Variants in IGHMBP2 observed in about 807,000 individuals in gnomAD.
IGHMBP2 encodes the protein immunoglobulin mu DNA binding protein 2.
A neutral mutation model predicts 96.0 loss-of-function variants in IGHMBP2; 81 were observed. The ratio of observed to expected loss-of-function variants is 0.84; its 90% CI spans 0.71 to 1.01. The LOEUF is 1.01. Ranked by LOEUF, IGHMBP2 falls within the 50% of genes least tolerant of loss-of-function variation. The pLI is 0.00. For synonymous variants in IGHMBP2, 557 were observed against 548.9 expected, an observed-to-expected ratio of 1.01 and a Z score of -0.21; for missense variants, 1,227 against 1,306.3, an observed-to-expected ratio of 0.94 and a Z score of 0.94.
Position 68,911,597 on chromosome 11 carries a change from C to T in IGHMBP2, c.705C>T (p.Gly235=). 6.2e-7 allele frequency: 1 copy of T among 1,614,176 alleles called. No individual in the cohort carries two copies. Among genetic ancestry groups the T allele is most frequent in the Non-Finnish European group, 8.5e-7 (1 of 1,180,028 alleles). Residue 235 remains glycine (G), a synonymous_variant, in exon 5 of 15, where the codon GGC becomes GGT. Transcript: ENST00000255078. ...VEIILQAVKQ[G]LKVLCCAPSN... ...TCATTCTTCAAGCTGTGAAACAAGG[C>T]TTAAAGGTGGGCAGTGCATGCCACT...
At chr11:68,935,905 G>C (rs1288272318) in intron 12 of IGHMBP2, among the ~76,000 whole-genome samples, 1 of 152,216 alleles carries the variant, frequency 6.6e-6, no homozygotes, top group Non-Finnish European at 1.5e-5. Flanking sequence ...AGAAGCTATG[G>C]GGGAAAGAAG....
rs1039728777 is a variant in IGHMBP2, at chr11:68,940,068, T to G, written c.*337T>G. 11 of 330,348 alleles carry G rather than the reference T, an allele frequency of 3.3e-5. No homozygotes were observed. Among genetic ancestry groups the G allele is most frequent in the African/African-American group, 2.1e-4 (10 of 47,332 alleles). 20.5% of individuals were successfully genotyped at this position (330,348 alleles called of 1,614,324 possible). A position where few individuals can be genotyped will look rare whatever the true frequency, so the allele number is the denominator to read the frequency against. ...TGGAGAATACCCAGGGCCTCAAACT[T>G]GAAGTCACTCCTCCAATGTCTGGGA... On this transcript the variant is annotated 3_prime_UTR_variant, in exon 15 of 15. Coordinates refer to ENST00000255078, the MANE Select transcript of IGHMBP2 (RefSeq NM_002180.3).
intron 12 of IGHMBP2, among the ~76,000 whole-genome samples, chr11:68,935,711 G>A (rs946223142): frequency 2.6e-5 from 4 of 152,234 alleles, no homozygotes; most frequent in African/African-American, 9.6e-5. Context: ...GCCCCCTGCA[G>A]CCCAGAGCTG....
intron 2 of IGHMBP2, among the ~76,000 whole-genome samples, chr11:68,906,640 C>CTTTTTTTT (rs60710565): frequency 3.4e-5 from 4 of 117,586 alleles, no homozygotes; most frequent in African/African-American, 6.6e-5. Context: ...CATTTCTTTT[C>CTTTTTTTT]TTTTTTTTTT....
chr11:68,909,659 G>A (rs562921411), intron 4 of IGHMBP2, among the ~76,000 whole-genome samples: 15 of 143,786 alleles, frequency 1.0e-4, no homozygotes, highest in African/African-American at 3.4e-4. Flanking sequence ...ACGGAGACTT[G>A]CTCTGTCACC....
At chr11:68,926,494 C>G (rs1859076440) in intron 7 of IGHMBP2, 1 of 152,068 alleles carries the variant, frequency 6.6e-6, no homozygotes, top group Admixed American at 6.6e-5. Context: ...TGGTCTCTAT[C>G]TCTTGACCTC....
At chr11:68,919,410 C>T (rs1858796763) in intron 7 of IGHMBP2, among the ~76,000 whole-genome samples, 1 of 152,222 alleles carries the variant, frequency 6.6e-6, no homozygotes, top group African/African-American at 2.4e-5. Flanking sequence ...GCTGGGGCTC[C>T]CTGCATGTGC....
At chr11:68,924,037 C>T (rs1332284418) in intron 7 of IGHMBP2, among the ~76,000 whole-genome samples, 2 of 152,178 alleles carry the variant, frequency 1.3e-5, no homozygotes, top group African/African-American at 2.4e-5. Context: ...CCCCAGGGCT[C>T]ACCTCCTTTG....
At chr11:68,931,967 G>C (rs528517517) in intron 8 of IGHMBP2, among the ~76,000 whole-genome samples, 6 of 150,120 alleles carry the variant, frequency 4.0e-5, no homozygotes, top group African/African-American at 1.5e-4. Flanking sequence ...GAGAGAGTAG[G>C]ATGGTTTTGG....
intron 7 of IGHMBP2, among the ~76,000 whole-genome samples, chr11:68,918,378 A>C (rs1202076221): frequency 4.0e-5 from 6 of 151,810 alleles, no homozygotes; most frequent in Non-Finnish European, 8.8e-5. Flanking sequence ...GCAGTGGCTC[A>C]CACCTGTAAT....
At chr11:68,935,586 G>C (rs1440867537) in intron 12 of IGHMBP2, among the ~76,000 whole-genome samples, 164 bp downstream of exon 12, 1 of 152,220 alleles carries the variant, frequency 6.6e-6, no homozygotes, top group Non-Finnish European at 1.5e-5. Context: ...ACAGGCAAGA[G>C]AGTCTGCAGA....
rs1165483813 is a variant in IGHMBP2, at chr11:68,939,609, A to C, written c.2860A>C (p.Ser954Arg). The C allele has an allele frequency of 3.1e-6, 5 of 1,613,434 alleles. No individual in the cohort carries two copies. In the African/African-American group the frequency reaches 4.0e-5, roughly 13 times the overall value. The change falls in exon 15 of 15, where the codon AGC (serine) becomes CGC (arginine). Residue 954 changes from serine to arginine, a missense_variant. Transcript: ENST00000255078. ...CCGGGAAGGGGTCCTCTATGCCGGC[A>C]GCGGGACCAAGAACGGATCCCTGGA... ...ISREGVLYAGSGTKNGSLDPA... is the reference protein window; with the variant it reads ...ISREGVLYAGRGTKNGSLDPA...
In IGHMBP2 at chr11:68,917,841, G is replaced by A. The variant is rs750580259; in HGVS notation, c.1018G>A (p.Glu340Lys). The A allele has an allele frequency of 1.5e-5, 25 of 1,614,054 alleles. No homozygotes were observed. The Admixed American group carries it at 2.2e-4, about 14-fold the overall frequency. The change falls in exon 7 of 15, where the codon GAG (glutamate) becomes AAG (lysine). Residue 340 changes from glutamate (E) to lysine (K), a missense_variant. Glu to Lys is a moderately conservative substitution (Grantham distance 56). Coordinates refer to ENST00000255078, the MANE Select transcript of IGHMBP2 (RefSeq NM_002180.3). The stretch of plus-strand genomic sequence containing the variant: ...GGAGAGGGAAGAAGCAGCTATGCTC[G>A]AGAGCCTCACTTCGGCAAACGTGGT... ...LKEREEAAML[E>K]SLTSANVVLA... is the part of the protein sequence containing the mutation.
chr11:68,922,552 C>T (rs576112624), intron 7 of IGHMBP2, among the ~76,000 whole-genome samples: 21 of 152,098 alleles, frequency 1.4e-4, no homozygotes, highest in Non-Finnish European at 2.6e-4. Context: ...CACACCACCA[C>T]GCCTGGCTAA....
intron 7 of IGHMBP2, among the ~76,000 whole-genome samples, chr11:68,928,500 A>G (rs1859153030): frequency 6.6e-6 from 1 of 152,220 alleles, no homozygotes; most frequent in Non-Finnish European, 1.5e-5. Context: ...GGGAACTAAC[A>G]TTGATCACAT....
intron 10 of IGHMBP2, chr11:68,934,145 T>C (rs1038463824): frequency 2.0e-5 from 12 of 613,430 alleles, no homozygotes; most frequent in Admixed American, 7.6e-5. Context: ...TTCTCCTGAA[T>C]GGTGGCCCAG....
intron 10 of IGHMBP2, chr11:68,934,186 G>T: frequency 1.6e-6 from 1 of 612,380 alleles, no homozygotes; most frequent in South Asian, 1.9e-5. Flanking sequence ...GATGGGAACT[G>T]TCATTGCTCA....
chr11:68,914,205 C>CA (rs2154007144), intron 5 of IGHMBP2, among the ~76,000 whole-genome samples: 1 of 151,730 alleles, frequency 6.6e-6, no homozygotes, highest in South Asian at 2.1e-4. Flanking sequence ...TCTCTTTATC[C>CA]AAAAACAACT....
Position 68,936,679 on chromosome 11 carries a change from A to G in IGHMBP2, c.2199A>G (p.Ile733Met). 1.9e-6 allele frequency: 3 copies of G among 1,614,006 alleles called. No individual in the cohort carries two copies. Among genetic ancestry groups the G allele is most frequent in the South Asian group, 2.2e-5 (2 of 91,086 alleles). ...GCGTGGACCACTTCCGGGCCATGAT[A>G]GTGGAGTTCATGGCCAGCAAGAAGA... ...QDGVDHFRAM[I>M]VEFMASKKMQ... Residue 733 changes from isoleucine (I) to methionine (M), a missense_variant, in exon 13 of 15, where the codon ATA becomes ATG. Coordinates refer to ENST00000255078, the MANE Select transcript of IGHMBP2 (RefSeq NM_002180.3).
Sources: allele counts gnomAD v4.1 joint callset (sites outside exome capture counted in the v4.1 genomes callset), GRCh38; gene constraint gnomAD v4.1.1; transcripts MANE v1.5; gene names NCBI Gene and HGNC (gene_info 2026-07-23, HGNC 2026-07-21).